Variants in LRRC4C observed in about 807,000 individuals in gnomAD.
The protein encoded by LRRC4C is leucine-rich repeat-containing protein 4C.
In LRRC4C, 5 loss-of-function variants were observed where a neutral mutation model predicts 33.6. That is an observed-to-expected ratio of 0.15 (90% CI 0.08 to 0.31). LRRC4C has a LOEUF of 0.31. Ranked by LOEUF, LRRC4C falls within the 10% of genes least tolerant of loss-of-function variation. The pLI, the probability that LRRC4C is intolerant of heterozygous loss-of-function variation, is 1.00. For synonymous variants in LRRC4C, 329 were observed against 302.0 expected (o/e 1.09, Z -0.93); for missense variants, 560 against 796.7 (o/e 0.70, Z 3.58).
intron 5 of LRRC4C, among the ~76,000 whole-genome samples, chr11:40,215,004 C>T (rs1863872024): frequency 6.6e-6 from 1 of 152,080 alleles, no homozygotes; most frequent in Admixed American, 6.6e-5. Flanking sequence ...CCTGGAAGTC[C>T]TTACTCCTGT....
chr11:40,357,985 C>A (rs1421564488), intron 3 of LRRC4C, among the ~76,000 whole-genome samples: 1 of 152,016 alleles, frequency 6.6e-6, no homozygotes, highest in Non-Finnish European at 1.5e-5. Context: ...GAGATCAAGA[C>A]CATCCTGGCC....
intron 2 of LRRC4C, among the ~76,000 whole-genome samples, chr11:40,798,319 T>C (rs777326870): frequency 6.6e-6 from 1 of 152,202 alleles, no homozygotes; most frequent in Non-Finnish European, 1.5e-5. Context: ...CCCATCCAGC[T>C]GTCACTCTGA....
chr11:40,486,690 T>C (rs1211358161), intron 3 of LRRC4C, among the ~76,000 whole-genome samples: 1 of 152,072 alleles, frequency 6.6e-6, no homozygotes, highest in African/African-American at 2.4e-5. Context: ...TACAACTTAT[T>C]TCCAACCTTT....
At chr11:40,513,797 T>G (rs1377386927) in intron 3 of LRRC4C, among the ~76,000 whole-genome samples, 2 of 152,194 alleles carry the variant, frequency 1.3e-5, no homozygotes, top group Non-Finnish European at 2.9e-5. Flanking sequence ...GTACTTTCAT[T>G]TCTTTTCTAA....
chr11:41,392,437 C>A (rs561434361), intron 1 of LRRC4C, among the ~76,000 whole-genome samples: 1 of 151,724 alleles, frequency 6.6e-6, no homozygotes, highest in South Asian at 2.1e-4. Context: ...AGAGGACAAC[C>A]ACTGGGAGAG....
chr11:41,090,626 T>C lies in LRRC4C; in HGVS notation c.-495-156903A>G, dbSNP rs564884207. On this transcript the variant is annotated intron_variant, in intron 1 of 6. Coordinates refer to ENST00000528697, the MANE Select transcript of LRRC4C (RefSeq NM_001258419.2). ...TGTGTTAAAATGGTTTGGCTCTATG[T>C]CCCCACCCAAATCTCACCTCGAATT... Among the ~76,000 whole-genome samples, 470 of 152,152 alleles carry C rather than the reference T, an allele frequency of 3.1e-3. 11 individuals are homozygous for C. Among genetic ancestry groups the C allele is most frequent in the Non-Finnish European group, 1.1e-3 (74 of 67,984 alleles).
At chr11:40,852,397 T>A (rs1003640800) in intron 2 of LRRC4C, among the ~76,000 whole-genome samples, 1 of 152,122 alleles carries the variant, frequency 6.6e-6, no homozygotes, top group Non-Finnish European at 1.5e-5. Context: ...ACTTGGGTGA[T>A]AAGACTTTAT....
intron 1 of LRRC4C, among the ~76,000 whole-genome samples, chr11:41,121,436 T>A (rs957623608): frequency 5.3e-5 from 8 of 152,202 alleles, no homozygotes; most frequent in Admixed American, 5.2e-4. Flanking sequence ...AAATTTGCGA[T>A]ATATTTTTGT....
intron 1 of LRRC4C, among the ~76,000 whole-genome samples, chr11:41,044,825 A>G (rs1408999801): frequency 6.6e-6 from 1 of 152,172 alleles, no homozygotes; most frequent in Non-Finnish European, 1.5e-5. Flanking sequence ...TATTGTTGAA[A>G]GTACTTGCAT....
intron 1 of LRRC4C, among the ~76,000 whole-genome samples, chr11:41,292,403 C>T (rs572110827): frequency 6.7e-6 from 1 of 148,656 alleles, no homozygotes; most frequent in African/African-American, 2.5e-5. Context: ...TAAACAGCAG[C>T]GTAAAAAAAA....
intron 1 of LRRC4C, among the ~76,000 whole-genome samples, chr11:41,099,434 A>C (rs1193024691): frequency 6.6e-6 from 1 of 152,158 alleles, no homozygotes; most frequent in African/African-American, 2.4e-5. Flanking sequence ...ATAGATACAA[A>C]AATCCTCAAC....
chr11:40,818,756 C>T (rs1565097570), intron 2 of LRRC4C, among the ~76,000 whole-genome samples: 1 of 151,916 alleles, frequency 6.6e-6, no homozygotes, highest in East Asian at 1.9e-4. Context: ...ATATCTAAAT[C>T]AATAGGATAC....
At chr11:41,174,064 C>CAGAT (rs1190077231) in intron 1 of LRRC4C, among the ~76,000 whole-genome samples, 1 of 151,944 alleles carries the variant, frequency 6.6e-6, no homozygotes, top group African/African-American at 2.4e-5. Flanking sequence ...TATTCTGCAA[C>CAGAT]AGATGACCAA....
intron 1 of LRRC4C, among the ~76,000 whole-genome samples, chr11:41,015,277 A>G (rs1055465047): frequency 1.3e-5 from 2 of 152,300 alleles, no homozygotes; most frequent in Admixed American, 1.3e-4. Flanking sequence ...ATGTTATTGA[A>G]AGACCTTTTT....
chr11:41,127,882 C>G (rs572186616), intron 1 of LRRC4C, among the ~76,000 whole-genome samples: 2 of 152,130 alleles, frequency 1.3e-5, no homozygotes, highest in South Asian at 4.2e-4. Flanking sequence ...TTATCTTTAA[C>G]CTACTGGGAT....
chr11:40,754,250 A>G (rs539414424), intron 2 of LRRC4C, among the ~76,000 whole-genome samples: 31 of 152,154 alleles, frequency 2.0e-4, no homozygotes, highest in African/African-American at 7.5e-4. Context: ...ACTTTAATGG[A>G]GATGCTTCTG....
intron 6 of LRRC4C, among the ~76,000 whole-genome samples, chr11:40,140,593 T>C (rs536858085): frequency 6.6e-6 from 1 of 152,190 alleles, no homozygotes; most frequent in Non-Finnish European, 1.5e-5. Flanking sequence ...TATGACTCAG[T>C]GGATATGTCT....
At chr11:40,666,205 T>A (rs921349409) in intron 2 of LRRC4C, among the ~76,000 whole-genome samples, 3 of 152,140 alleles carry the variant, frequency 2.0e-5, no homozygotes, top group African/African-American at 7.2e-5. Context: ...ACATTTACAA[T>A]GTTGAACACA....
At chr11:40,636,800 G>T (rs1427054547) in intron 3 of LRRC4C, among the ~76,000 whole-genome samples, 1 of 152,092 alleles carries the variant, frequency 6.6e-6, no homozygotes, top group Non-Finnish European at 1.5e-5. Context: ...AGTCATTTCT[G>T]GGAATCTCAG....
Sources: gnomAD v4.1 joint callset for allele counts (sites outside exome capture counted in the v4.1 genomes callset) on GRCh38, gnomAD v4.1.1 for gene constraint, MANE v1.5 for transcripts, NCBI Gene and HGNC (gene_info 2026-07-23, HGNC 2026-07-21) for gene names.